ALOXE3: variants seen among roughly 807,000 people sequenced by gnomAD.
The protein encoded by ALOXE3 is arachidonate epidermal lipoxygenase 3.
A neutral mutation model predicts 87.5 loss-of-function variants in ALOXE3; 78 were observed. The ratio of observed to expected loss-of-function variants is 0.89; its 90% confidence interval spans 0.74 to 1.08. The LOEUF is 1.08. ALOXE3 is among the 50% of genes least tolerant of loss of function. The pLI is 0.00. For missense variants in ALOXE3, 946 were observed against 912.4 expected, an observed-to-expected ratio of 1.04 and a Z score of -0.47; for synonymous variants, 363 against 370.8, an observed-to-expected ratio of 0.98 and a Z score of 0.24.
chr17:8,103,562 C>T, intron 14 of ALOXE3, 69 bp from the exon 15 acceptor site: 1 of 1,519,526 alleles, frequency 6.6e-7, no homozygotes, highest in Non-Finnish European at 9.1e-7. Flanking sequence ...CTTCACCATC[C>T]CTGATTCCAC....
chr17:8,110,547 G>C lies in ALOXE3; in HGVS notation c.958-19C>G. The stretch of plus-strand genomic sequence containing the variant: ...TCCCCCTCTGCAGAAGGCACACAGA[G>C]GCTGAGTGTCCCTCCCTACTCGCGC... On this transcript the variant is annotated intron_variant, in intron 8 of 15. Coordinates refer to ENST00000448843, the MANE Select transcript of ALOXE3 (RefSeq NM_021628.3). 1 of 1,613,606 alleles carries C rather than the reference G, an allele frequency of 6.2e-7. No homozygotes were observed. The highest frequency in any genetic ancestry group is 8.5e-7 in the Non-Finnish European group (1 of 1,179,836).
chr17:8,106,252 T>C (rs756224320), intron 13 of ALOXE3, among the ~76,000 whole-genome samples: 2 of 151,900 alleles, frequency 1.3e-5, no homozygotes, highest in Admixed American at 1.3e-4. Context: ...AGAACTAAGG[T>C]TTGGAGTCAG....
chr17:8,108,380 G>C, intron 13 of ALOXE3, 88 bp downstream of exon 13: 1 of 1,556,154 alleles, frequency 6.4e-7, no homozygotes, highest in East Asian at 2.4e-5. Flanking sequence ...TCAAAGGCTG[G>C]TCAATAAATA....
intron 11 of ALOXE3, 89 bp downstream of exon 11, chr17:8,109,827 G>C: frequency 7.3e-7 from 1 of 1,363,264 alleles, no homozygotes; most frequent in Non-Finnish European, 1.0e-6. Context: ...CCTCACAAGG[G>C]GCTTGGGCGC....
In ALOXE3 at chr17:8,117,942, C is replaced by T. The variant is rs1980750917; in HGVS notation, c.49G>A (p.Gly17Ser). ...GTGACAGAGATGTTGTCCAGTGTGC[C>T]GGCCCTCAGGTAGGGACCAGTGGTC... ...CVTTGPYLRA[G>S]TLDNISVTLV... is the part of the protein sequence containing the mutation. Residue 17 changes from glycine to serine, a missense_variant, in exon 2 of 16, where the codon GGC becomes AGC. Gly to Ser is a moderately conservative substitution (Grantham distance 56). Transcript: ENST00000448843. The T allele has an allele frequency of 1.9e-6, 3 of 1,612,012 alleles. No homozygotes were observed. Among genetic ancestry groups the T allele is most frequent in the Non-Finnish European group, 2.5e-6 (3 of 1,179,634 alleles).
chr17:8,111,354 C>T lies in ALOXE3; in HGVS notation c.957+5G>A. On this transcript the variant is annotated splice_donor_5th_base_variant and intron_variant, in intron 8 of 15. Coordinates refer to ENST00000448843, the MANE Select transcript of ALOXE3 (RefSeq NM_021628.3). ...ATCAGGCCCACTGCCCAGATCCTTA[C>T]CCACCTCTAGCTCTGTCTGCAGGCA... The T allele has an allele frequency of 1.2e-6, 2 of 1,612,812 alleles. No individual in the cohort carries two copies. The highest frequency in any genetic ancestry group is 1.7e-6 in the Non-Finnish European group (2 of 1,179,998).
Position 8,103,434 on chromosome 17 carries a change from C to T in ALOXE3, c.1845G>A (p.Gln615=). 1 of 1,614,118 alleles carries T rather than the reference C, an allele frequency of 6.2e-7. No homozygotes were observed. The highest frequency in any genetic ancestry group is 8.5e-7 in the Non-Finnish European group (1 of 1,180,016). Residue 615 remains glutamine (Q), a synonymous_variant, in exon 15 of 16, where the codon CAG becomes CAA. Coordinates refer to ENST00000448843, the MANE Select transcript of ALOXE3 (RefSeq NM_021628.3). ...APSSMRQPPP[Q]TKGTTTLKTY... ...TCTTCAGGGTGGTGGTCCCCTTGGT[C>T]TGGGGTGGGGGCTGCCTCATGGATG... is the stretch of plus-strand genomic sequence containing the variant.
At chr17:8,111,804 G>A (rs1980115946) in intron 7 of ALOXE3, among the ~76,000 whole-genome samples, 1 of 148,830 alleles carries the variant, frequency 6.7e-6, no homozygotes, top group Non-Finnish European at 1.5e-5. Flanking sequence ...GAAGAGAGTC[G>A]TGTGTCCCTG....
At chr17:8,103,851 C>T (rs1045057101) in intron 14 of ALOXE3, among the ~76,000 whole-genome samples, 1 of 152,108 alleles carries the variant, frequency 6.6e-6, no homozygotes, top group African/African-American at 2.4e-5. Context: ...TGCTACTCCA[C>T]CTGGCTGGGT....
chr17:8,103,242 T>C, intron 15 of ALOXE3, 81 bp downstream of exon 15: 1 of 1,538,084 alleles, frequency 6.5e-7, no homozygotes, highest in South Asian at 1.1e-5. Context: ...CGATCAGTCC[T>C]CAAGCCCCCA....
In ALOXE3 at chr17:8,098,228, G is replaced by GTT. The variant is rs201308859; in HGVS notation, c.1957-1424_1957-1423dup. Among the ~76,000 whole-genome samples, 131 of 88,092 alleles carry GTT rather than the reference G, an allele frequency of 1.5e-3. 1 individual carries two copies. The highest frequency in any genetic ancestry group is 7.0e-3 in the East Asian group (19 of 2,698). 57.8% of individuals were successfully genotyped at this position (88,092 alleles called of 152,430 possible). On this transcript the variant is annotated intron_variant, in intron 15 of 15. Transcript: ENST00000448843. ...CAGTGTTTTTTGAAATATACTTTTG[G>GTT]TTTTTGTTTTTTTTTTTTTTTTTTT...
At chr17:8,107,378 G>T (rs1979396466) in intron 13 of ALOXE3, among the ~76,000 whole-genome samples, 1 of 152,196 alleles carries the variant, frequency 6.6e-6, no homozygotes, top group African/African-American at 2.4e-5. Flanking sequence ...TTAGCCAGAT[G>T]TGGTGGCAGA....
chr17:8,097,468 C>T (rs1456356517), intron 15 of ALOXE3, among the ~76,000 whole-genome samples: 4 of 152,158 alleles, frequency 2.6e-5, no homozygotes, highest in African/African-American at 9.7e-5. Flanking sequence ...CAACCAGCAT[C>T]CTGGTTCTAA....
In ALOXE3 at chr17:8,104,186, C is replaced by T; in HGVS notation, c.1714G>A (p.Glu572Lys). The change falls in exon 14 of 16, where the codon GAG becomes AAG. Residue 572 changes from glutamate (E) to lysine (K), a missense_variant. Coordinates refer to ENST00000448843, the MANE Select transcript of ALOXE3 (RefSeq NM_021628.3). ...GFPSRLCTPG[E>K]MVKFLTAIIF... ...ATTGCAGTGAGGAACTTCACCATCT[C>T]TCCTGGGGTGCACAGCCGGCTTGGG... 1.2e-6 allele frequency: 2 copies of T among 1,613,998 alleles called. No homozygotes were observed. The highest frequency in any genetic ancestry group is 1.3e-5 in the African/African-American group (1 of 75,028).
chr17:8,103,193 AAGAACCCAAGG>A, intron 15 of ALOXE3, 119 bp downstream of exon 15: 1 of 1,066,104 alleles, frequency 9.4e-7, no homozygotes, highest in African/African-American at 1.6e-5. Context: ...GAAGAAATTG[AAGAACCCAAGG>A]CAGTTCTGCA....
chr17:8,107,838 A>AGGTTGGTGGCTG (rs1567996043), intron 13 of ALOXE3, among the ~76,000 whole-genome samples: 17 of 5,468 alleles, frequency 3.1e-3, no homozygotes, highest in South Asian at 7.6e-3. Flanking sequence ...AGAAAGAAAG[A>AGGTTGGTGGCTG]AAGAAAGAAA....
At chr17:8,099,742 C>T (rs1361664513) in intron 15 of ALOXE3, among the ~76,000 whole-genome samples, 3 of 151,434 alleles carry the variant, frequency 2.0e-5, no homozygotes, top group African/African-American at 7.3e-5. Context: ...TATTTATGTT[C>T]CCTTTCTTTC....
At chr17:8,099,598 T>A (rs868626040) in intron 15 of ALOXE3, among the ~76,000 whole-genome samples, 1 of 151,432 alleles carries the variant, frequency 6.6e-6, no homozygotes, top group African/African-American at 2.4e-5. Context: ...GAGGCAGAGG[T>A]TGCACTGAGC....
In ALOXE3 at chr17:8,096,247, T is replaced by G; in HGVS notation, c.*380A>C. On this transcript the variant is annotated 3_prime_UTR_variant, in exon 16 of 16. Coordinates refer to ENST00000448843, the MANE Select transcript of ALOXE3 (RefSeq NM_021628.3). ...GGAAGAAAGAGAACGTAGAAAGGCA[T>G]GGTAGGAGAAGGAGTTTGGGGATTG... The G allele has an allele frequency of 2.8e-5, 6 of 217,220 alleles. No individual in the cohort carries two copies. Among genetic ancestry groups the G allele is most frequent in the Admixed American group, 5.2e-5 (1 of 19,122 alleles). 13.5% of individuals were successfully genotyped at this position (217,220 alleles called of 1,614,324 possible). A position where few individuals can be genotyped will look rare whatever the true frequency, so the allele number is the denominator to read the frequency against.
Sources: gnomAD v4.1 joint callset for allele counts (sites outside exome capture counted in the v4.1 genomes callset) on GRCh38, gnomAD v4.1.1 for gene constraint, MANE v1.5 for transcripts, NCBI Gene and HGNC (gene_info 2026-07-23, HGNC 2026-07-21) for gene names.